RAD54L2: variants seen among roughly 807,000 people sequenced by gnomAD.
The protein encoded by RAD54L2 is RAD54 like 2.
RAD54L2 carries 27 observed loss-of-function variants against 138.4 expected under a neutral mutation model. The observed-to-expected ratio is 0.20, with a 90% CI of 0.14 to 0.27. The LOEUF is 0.27. Among genes scored for constraint, RAD54L2 ranks in the 10% least tolerant of loss-of-function variants. The probability of loss-of-function intolerance (pLI) is 1.00; values close to 1 mark genes in which losing one functional copy is unlikely to be tolerated. For missense variants in RAD54L2, 1,396 were observed against 1,890.2 expected (o/e 0.74, Z 4.85); for synonymous variants, 644 against 723.2 (o/e 0.89, Z 1.76).
chr3:51,625,702 GA>G (rs60515371), intron 3 of RAD54L2, among the ~76,000 whole-genome samples: 65 of 147,676 alleles, frequency 4.4e-4, no homozygotes, highest in African/African-American at 1.5e-3. Flanking sequence ...CTACAAAAAA[GA>G]AAAAAAAAAT....
intron 2 of RAD54L2, among the ~76,000 whole-genome samples, chr3:51,562,118 C>G (rs529278594): frequency 4.6e-5 from 7 of 152,168 alleles, no homozygotes; most frequent in African/African-American, 1.7e-4. Flanking sequence ...TCACTGCAAC[C>G]TCTGCCTCCT....
intron 3 of RAD54L2, among the ~76,000 whole-genome samples, chr3:51,590,772 C>T (rs187557059): frequency 2.8e-4 from 43 of 152,264 alleles, no homozygotes; most frequent in Non-Finnish European, 6.0e-4. Flanking sequence ...GCTGGAAGAA[C>T]CTTTAGCCTT....
At chr3:51,641,615 C>T in intron 14 of RAD54L2, 134 bp from the exon 15 acceptor site, 1 of 612,402 alleles carries the variant, frequency 1.6e-6, no homozygotes, top group South Asian at 2.2e-5. Context: ...CCGTGCCCAA[C>T]CTAGAGTTAC....
At position 51,662,895 on chromosome 3, in the gene RAD54L2, G is replaced by T. The variant is rs765349622; in HGVS notation, c.3879G>T (p.Gly1293=). 1 of 1,613,790 alleles carries T rather than the reference G, an allele frequency of 6.2e-7. No individual in the cohort carries two copies. Among genetic ancestry groups the T allele is most frequent in the Non-Finnish European group, 8.5e-7 (1 of 1,179,846 alleles). ...PYEHGYPVSG[G]FAMPPVSLNH... ...AACACGGGTATCCAGTCTCTGGCGG[G>T]TTTGCCATGCCACCCGTCTCCTTAA... is the stretch of plus-strand genomic sequence containing the variant. The change falls in exon 23 of 23, where the codon GGG becomes GGT. Residue 1293 remains glycine (G), a synonymous_variant. Coordinates refer to ENST00000684192, the MANE Select transcript of RAD54L2 (RefSeq NM_015106.4). The surrounding 1 kb of genome is among the most constrained non-coding windows in gnomAD (Gnocchi z 4.6).
At chr3:51,569,609 C>G (rs982510407) in intron 2 of RAD54L2, among the ~76,000 whole-genome samples, 1 of 152,112 alleles carries the variant, frequency 6.6e-6, no homozygotes, top group African/African-American at 2.4e-5. Flanking sequence ...GTCTTGAACT[C>G]CTGACCTCAT....
intron 2 of RAD54L2, among the ~76,000 whole-genome samples, chr3:51,548,426 G>C (rs1056139353): frequency 1.3e-5 from 2 of 152,196 alleles, no homozygotes; most frequent in African/African-American, 4.8e-5. Flanking sequence ...GACCTCAGGT[G>C]ATCCGCCTGC....
chr3:51,610,339 C>CA (rs1226169013), intron 3 of RAD54L2, among the ~76,000 whole-genome samples: 4 of 152,074 alleles, frequency 2.6e-5, no homozygotes, highest in East Asian at 3.9e-4. Flanking sequence ...CATGGTGGCT[C>CA]ACGCCTGTAA....
At chr3:51,633,382 T>C (rs894613002) in intron 7 of RAD54L2, among the ~76,000 whole-genome samples, 195 bp from the exon 8 acceptor site, 1 of 152,116 alleles carries the variant, frequency 6.6e-6, no homozygotes, top group Non-Finnish European at 1.5e-5. Flanking sequence ...AGTGAATCCT[T>C]TTCTGTTTTT....
chr3:51,645,719 G>A lies in RAD54L2; in HGVS notation c.2785G>A (p.Val929Ile). The A allele has an allele frequency of 6.2e-7, 1 of 1,612,972 alleles. No individual in the cohort carries two copies. The highest frequency in any genetic ancestry group is 8.5e-7 in the Non-Finnish European group (1 of 1,179,546). The change falls in exon 18 of 23, where the codon GTC becomes ATC. Residue 929 changes from valine to isoleucine, a missense_variant. Val to Ile is a conservative substitution (Grantham distance 29). Transcript: ENST00000684192. The surrounding 1 kb of genome is among the most constrained non-coding windows in gnomAD (Gnocchi z 6.1). ...SLNVKGIKES[V>I]LQLACLKYPH... Reference sequence around the variant, plus strand: ...GAACGTAAAGGGGATCAAGGAGTCAGTCCTGCAACTGGCCTGTCTGAAGTA... The same window carrying A: ...GAACGTAAAGGGGATCAAGGAGTCAATCCTGCAACTGGCCTGTCTGAAGTA...
intron 19 of RAD54L2, among the ~76,000 whole-genome samples, chr3:51,649,594 A>G (rs1296530590): frequency 6.6e-6 from 1 of 152,220 alleles, no homozygotes; most frequent in African/African-American, 2.4e-5. Context: ...CTAACAGTGG[A>G]TCTCTTGGCA....
intron 2 of RAD54L2, among the ~76,000 whole-genome samples, chr3:51,571,384 C>T (rs910820674): frequency 1.3e-5 from 2 of 148,826 alleles, no homozygotes; most frequent in East Asian, 2.0e-4. Flanking sequence ...CTGTGGAATA[C>T]CTGCTTTTTT....
intron 2 of RAD54L2, among the ~76,000 whole-genome samples, chr3:51,564,545 A>T (rs1699169275): frequency 6.6e-6 from 1 of 152,186 alleles, no homozygotes; most frequent in Non-Finnish European, 1.5e-5. Context: ...TAGCCTTCTA[A>T]ATAAGGCAAA....
intron 20 of RAD54L2, among the ~76,000 whole-genome samples, chr3:51,657,082 A>T (rs1701619956): frequency 6.6e-6 from 1 of 152,196 alleles, no homozygotes; most frequent in Non-Finnish European, 1.5e-5. Flanking sequence ...TTTTCTAAGT[A>T]AAAAATTTGA....
At chr3:51,596,204 A>C (rs1252190785) in intron 3 of RAD54L2, among the ~76,000 whole-genome samples, 2 of 146,960 alleles carry the variant, frequency 1.4e-5, no homozygotes, top group Non-Finnish European at 3.0e-5. Context: ...CTGGAATTAC[A>C]GGCGTGAGCC....
At chr3:51,648,723 T>C (rs1392555142) in intron 19 of RAD54L2, among the ~76,000 whole-genome samples, 1 of 152,128 alleles carries the variant, frequency 6.6e-6, no homozygotes, top group African/African-American at 2.4e-5. Context: ...ACCTGACTGT[T>C]AGAAGGAAAA....
intron 2 of RAD54L2, among the ~76,000 whole-genome samples, chr3:51,569,078 A>G (rs559857367): frequency 2.4e-4 from 36 of 152,290 alleles, no homozygotes; most frequent in African/African-American, 8.7e-4. Flanking sequence ...TCCACAGAAG[A>G]CCAATGCATA....
In RAD54L2 at chr3:51,614,368, T is replaced by C. The variant is rs574323711; in HGVS notation, c.140-13185T>C. Among the ~76,000 whole-genome samples the C allele has an allele frequency of 1.1e-4, 16 of 152,198 alleles. No individual in the cohort carries two copies. The South Asian group carries it at 3.1e-3, about 30-fold the overall frequency. ...TTGTAGATACAGGCTTTTGCTGTGTTCCTCAGCCTGGTCTCGAACTCCTGA... is the reference window on the plus strand; with the variant it reads ...TTGTAGATACAGGCTTTTGCTGTGTCCCTCAGCCTGGTCTCGAACTCCTGA... On this transcript the variant is annotated intron_variant, in intron 3 of 22. Coordinates refer to ENST00000684192, the MANE Select transcript of RAD54L2 (RefSeq NM_015106.4).
At chr3:51,574,376 G>A (rs1274678917) in intron 2 of RAD54L2, among the ~76,000 whole-genome samples, 6 of 152,238 alleles carry the variant, frequency 3.9e-5, no homozygotes, top group Admixed American at 2.0e-4. Flanking sequence ...TGGGATGGCC[G>A]GGTCAAATGG....
intron 2 of RAD54L2, among the ~76,000 whole-genome samples, chr3:51,575,679 A>AT (rs1699464073): frequency 6.6e-6 from 1 of 152,104 alleles, no homozygotes; most frequent in South Asian, 2.1e-4. Context: ...GAATGCTGTG[A>AT]TTTTTGCACA....
Sources: gnomAD v4.1 joint callset for allele counts (sites outside exome capture counted in the v4.1 genomes callset) on GRCh38, gnomAD v4.1.1 for gene constraint, Gnocchi (gnomAD v3.1) non-coding constraint, MANE v1.5 for transcripts, NCBI Gene and HGNC (gene_info 2026-07-23, HGNC 2026-07-21) for gene names.